The following VPS50 variants were observed in gnomAD, a reference collection of about 807,000 sequenced individuals.
VPS50 encodes the protein syndetin.
Under a neutral mutation model 139.7 loss-of-function variants are expected in VPS50, and 70 were observed. The ratio of observed to expected loss-of-function variants is 0.50; its 90% CI spans 0.41 to 0.61. The LOEUF is 0.61. Ranked by LOEUF, VPS50 falls within the 20% of genes least tolerant of loss-of-function variation. VPS50 has a pLI of 0.00. For missense variants in VPS50, 921 were observed against 1,133.7 expected (o/e 0.81, Z 2.69); for synonymous variants, 365 against 376.7 (o/e 0.97, Z 0.36).
intron 2 of VPS50, among the ~76,000 whole-genome samples, chr7:93,251,239 C>T (rs936229329): frequency 2.0e-5 from 3 of 152,036 alleles, no homozygotes; most frequent in African/African-American, 7.2e-5. Flanking sequence ...ATGTTTATTG[C>T]GGCACTATTC....
chr7:93,266,742 TTTAA>T (rs1562859489), intron 9 of VPS50, among the ~76,000 whole-genome samples: 1 of 152,230 alleles, frequency 6.6e-6, no homozygotes, highest in African/African-American at 2.4e-5. Flanking sequence ...TTTAACATAC[TTTAA>T]TTAATTGATC....
chr7:93,355,863 T>A (rs779753583), intron 26 of VPS50, 28 bp from the exon 27 acceptor site: 1 of 1,397,032 alleles, frequency 7.2e-7, no homozygotes, highest in East Asian at 2.3e-5. Context: ...TCCTATAATG[T>A]ATTTTTTTTT....
At chr7:93,298,849 T>C (rs965776452) in intron 16 of VPS50, among the ~76,000 whole-genome samples, 7 of 152,332 alleles carry the variant, frequency 4.6e-5, no homozygotes, top group Non-Finnish European at 7.4e-5. Context: ...GAAGGAAAGC[T>C]GGGTTGAGTA....
chr7:93,247,287 G>T (rs1185749188), intron 2 of VPS50, among the ~76,000 whole-genome samples: 1 of 151,902 alleles, frequency 6.6e-6, no homozygotes, highest in Non-Finnish European at 1.5e-5. Flanking sequence ...TTTTAGTGAA[G>T]AAAATATGGT....
intron 9 of VPS50, among the ~76,000 whole-genome samples, chr7:93,263,260 A>G (rs932566204): frequency 6.6e-6 from 1 of 152,218 alleles, no homozygotes; most frequent in African/African-American, 2.4e-5. Context: ...AGCATTTTAC[A>G]TTCTAGTAAT....
In VPS50 at chr7:93,253,950, C is replaced by T. The variant is rs760171710; in HGVS notation, c.297+19C>T. ...AGCTGCAGTAAGTAAAAAAAAAACA[C>T]ATTTCTTTCTGGCAAAACTCTAGAT... On this transcript the variant is annotated intron_variant, in intron 4 of 27. Transcript: ENST00000305866. 4.8e-6 allele frequency: 7 copies of T among 1,444,550 alleles called. No individual in the cohort carries two copies. The highest frequency in any genetic ancestry group is 1.3e-5 in the South Asian group (1 of 79,610). 89.5% of individuals were successfully genotyped at this position (1,444,550 alleles called of 1,614,324 possible).
chr7:93,307,488 G>A (rs1797150099), intron 18 of VPS50, among the ~76,000 whole-genome samples: 1 of 151,882 alleles, frequency 6.6e-6, no homozygotes, highest in African/African-American at 2.4e-5. Context: ...AGCATGCCTT[G>A]TTTGTATTCA....
chr7:93,265,812 C>T (rs1429408015), intron 9 of VPS50, among the ~76,000 whole-genome samples: 1 of 152,136 alleles, frequency 6.6e-6, no homozygotes, highest in Non-Finnish European at 1.5e-5. Flanking sequence ...GATGATCCAC[C>T]TGCCTCAGCC....
At chr7:93,326,069 T>C (rs1797760627) in intron 21 of VPS50, among the ~76,000 whole-genome samples, 1 of 151,978 alleles carries the variant, frequency 6.6e-6, no homozygotes, top group Non-Finnish European at 1.5e-5. Context: ...AATGATAGAC[T>C]GGATCAAGAA....
intron 2 of VPS50, among the ~76,000 whole-genome samples, chr7:93,248,806 A>G (rs551214207): frequency 2.3e-4 from 35 of 152,272 alleles, no homozygotes; most frequent in Admixed American, 2.1e-3. Flanking sequence ...AGAGCTTTAC[A>G]GACTGCTAGT....
intron 21 of VPS50, among the ~76,000 whole-genome samples, chr7:93,330,300 A>G (rs1186956834): frequency 1.3e-5 from 2 of 152,200 alleles, no homozygotes; most frequent in African/African-American, 4.8e-5. Flanking sequence ...GAGGCAGGAA[A>G]GGAAGAACCA....
At chr7:93,278,491 G>T (rs1796226265) in intron 12 of VPS50, among the ~76,000 whole-genome samples, 1 of 150,354 alleles carries the variant, frequency 6.7e-6, no homozygotes, top group African/African-American at 2.5e-5. Flanking sequence ...CTGCTACTGG[G>T]AAGGCTGAAG....
intron 9 of VPS50, among the ~76,000 whole-genome samples, chr7:93,263,652 T>TATG (rs1795753744): frequency 6.6e-6 from 1 of 152,230 alleles, no homozygotes; most frequent in African/African-American, 2.4e-5. Flanking sequence ...GACTGACTCT[T>TATG]ATGATTCTGA....
At chr7:93,321,789 A>T (rs953628628) in intron 20 of VPS50, among the ~76,000 whole-genome samples, 3 of 152,220 alleles carry the variant, frequency 2.0e-5, no homozygotes, top group African/African-American at 4.8e-5. Context: ...TTCTAGATGC[A>T]TGCCAGCCTA....
chr7:93,244,713 T>A (rs1795099191), intron 2 of VPS50, among the ~76,000 whole-genome samples: 1 of 151,834 alleles, frequency 6.6e-6, no homozygotes, highest in Non-Finnish European at 1.5e-5. Flanking sequence ...CTAGGTGAAT[T>A]TATTTAGTGA....
intron 13 of VPS50, among the ~76,000 whole-genome samples, chr7:93,293,532 G>C (rs1032953490): frequency 6.6e-6 from 1 of 152,184 alleles, no homozygotes; most frequent in East Asian, 1.9e-4. Context: ...ACTATAAAAA[G>C]TTACTTGTTC....
intron 22 of VPS50, among the ~76,000 whole-genome samples, chr7:93,338,792 T>C (rs1186706136): frequency 1.3e-5 from 2 of 152,144 alleles, no homozygotes; most frequent in African/African-American, 2.4e-5. Flanking sequence ...CACATCAGTA[T>C]TGTAGAAAAA....
intron 12 of VPS50, among the ~76,000 whole-genome samples, chr7:93,285,372 G>A (rs1057331003): frequency 6.6e-6 from 1 of 152,170 alleles, no homozygotes; most frequent in Non-Finnish European, 1.5e-5. Context: ...AATATAAAAA[G>A]CATTACTTTG....
intron 11 of VPS50, among the ~76,000 whole-genome samples, chr7:93,273,783 A>G (rs1228771442): frequency 4.6e-5 from 7 of 152,112 alleles, no homozygotes; most frequent in African/African-American, 1.2e-4. Context: ...TGTGTTATTT[A>G]CAAATTAAAG....
Sources: allele counts gnomAD v4.1 joint callset (sites outside exome capture counted in the v4.1 genomes callset), GRCh38; gene constraint gnomAD v4.1.1; transcripts MANE v1.5; gene names NCBI Gene and HGNC (gene_info 2026-07-23, HGNC 2026-07-21).